Variants in BMPER observed in about 807,000 individuals in gnomAD.
The protein encoded by BMPER is BMP binding endothelial regulator.
Under a neutral mutation model 87.3 loss-of-function variants are expected in BMPER, and 45 were observed. The observed-to-expected ratio is 0.52, with a 90% CI of 0.41 to 0.66. BMPER has a LOEUF of 0.66. Ranked by LOEUF, BMPER falls within the 30% of genes least tolerant of loss-of-function variation. The pLI, the probability that BMPER is intolerant of heterozygous loss-of-function variation, is 0.00. For synonymous variants in BMPER, 326 were observed against 316.2 expected, an observed-to-expected ratio of 1.03 and a Z score of -0.33; for missense variants, 784 against 867.5, an observed-to-expected ratio of 0.90 and a Z score of 1.21.
intron 3 of BMPER, among the ~76,000 whole-genome samples, chr7:33,941,155 A>C (rs1784754137): frequency 7.4e-6 from 1 of 135,224 alleles, no homozygotes; most frequent in South Asian, 2.2e-4. Context: ...ATTACATATA[A>C]TTTATATATT....
chr7:34,144,280 C>T (rs1790959727), intron 14 of BMPER, among the ~76,000 whole-genome samples: 1 of 151,538 alleles, frequency 6.6e-6, no homozygotes, highest in Non-Finnish European at 1.5e-5. Flanking sequence ...CTGAGGTGGG[C>T]TAGGGGAAGA....
intron 13 of BMPER, among the ~76,000 whole-genome samples, chr7:34,112,794 A>C (rs1790014555): frequency 6.6e-6 from 1 of 151,580 alleles, no homozygotes; most frequent in African/African-American, 2.4e-5. Context: ...CTTATTGTGC[A>C]CCGAAGTTTT....
chr7:34,126,359 A>G (rs1007060720), intron 13 of BMPER, among the ~76,000 whole-genome samples: 1 of 152,188 alleles, frequency 6.6e-6, no homozygotes, highest in Admixed American at 6.5e-5. Flanking sequence ...GTGGACCATG[A>G]CTAGGGCTTA....
chr7:34,044,733 G>T (rs115146060), intron 6 of BMPER, among the ~76,000 whole-genome samples: 4 of 152,112 alleles, frequency 2.6e-5, no homozygotes, highest in African/African-American at 9.6e-5. Context: ...TGGTATTTTC[G>T]CATGTTCTCT....
chr7:33,921,875 G>T lies in BMPER; in HGVS notation c.219+14972G>T, dbSNP rs572644735. 401 of 470,338 alleles carry T rather than the reference G, an allele frequency of 8.5e-4. 1 individual carries two copies. Among genetic ancestry groups the T allele is most frequent in the African/African-American group, 5.4e-3 (269 of 50,098 alleles). The allele number at this position is 470,338 out of a possible 1,614,324, so 29.1% of individuals were successfully genotyped here. ...TCTGGAGGAACCAGACGCAAACAAC[G>T]CAGAGTTGAGGGCCAGGTGAAGCGG... On this transcript the variant is annotated intron_variant, in intron 2 of 14. Transcript: ENST00000649409.
intron 6 of BMPER, among the ~76,000 whole-genome samples, chr7:34,039,763 T>C (rs1787786005): frequency 6.6e-6 from 1 of 152,126 alleles, no homozygotes; most frequent in African/African-American, 2.4e-5. Flanking sequence ...TTAATGTTTT[T>C]AAAGTATTAT....
rs1026461215 is a variant in BMPER, at chr7:33,974,886, C to G, written c.576+102C>G. 7.5e-6 allele frequency: 9 copies of G among 1,201,476 alleles called. No homozygotes were observed. In the African/African-American group the frequency reaches 1.2e-4, roughly 16 times the overall value. The allele number at this position is 1,201,476 out of a possible 1,614,324, so 74.4% of individuals were successfully genotyped here. On this transcript the variant is annotated intron_variant, in intron 6 of 14. Coordinates refer to ENST00000649409, the MANE Select transcript of BMPER (RefSeq NM_001365308.1). ...CTCTACAGCCTCTCTCTCGTCTCCT[C>G]TCTGGGTAAAAGTCCGTCCCTCCTG...
At chr7:33,920,743 T>A (rs1444217684) in intron 2 of BMPER, among the ~76,000 whole-genome samples, 1 of 152,144 alleles carries the variant, frequency 6.6e-6, no homozygotes, top group African/African-American at 2.4e-5. Flanking sequence ...CCATTTTTAA[T>A]AAACCCTTCC....
chr7:34,078,802 CTGTGAATCCTTGGCT>C, intron 11 of BMPER, 40 bp from the exon 12 acceptor site: 1 of 1,577,960 alleles, frequency 6.3e-7, no homozygotes, highest in Non-Finnish European at 8.7e-7. Context: ...CCTGATTTCT[CTGTGAATCCTTGGCT>C]TGGTTTGTGA....
At chr7:34,027,853 G>A (rs1393735426) in intron 6 of BMPER, among the ~76,000 whole-genome samples, 1 of 152,016 alleles carries the variant, frequency 6.6e-6, no homozygotes, top group African/African-American at 2.4e-5. Context: ...CTGAAGAGAT[G>A]CTATTAAAAA....
intron 13 of BMPER, among the ~76,000 whole-genome samples, chr7:34,134,078 A>C (rs571579312): frequency 6.6e-6 from 1 of 152,306 alleles, no homozygotes; most frequent in South Asian, 2.1e-4. Context: ...GTGGTGGCCC[A>C]TCTCGCCCTG....
At chr7:34,029,300 C>A (rs575923970) in intron 6 of BMPER, among the ~76,000 whole-genome samples, 1 of 152,050 alleles carries the variant, frequency 6.6e-6, no homozygotes, top group Non-Finnish European at 1.5e-5. Context: ...CATATTTTTT[C>A]AAATTAATGT....
chr7:33,980,714 C>T (rs1259262772), intron 6 of BMPER, among the ~76,000 whole-genome samples: 3 of 152,168 alleles, frequency 2.0e-5, no homozygotes, highest in African/African-American at 4.8e-5. Flanking sequence ...AGTCCTCTGT[C>T]TGTAAAACCA....
chr7:34,100,518 A>G (rs1789653986), intron 13 of BMPER, among the ~76,000 whole-genome samples: 1 of 152,172 alleles, frequency 6.6e-6, no homozygotes, highest in South Asian at 2.1e-4. Context: ...CTGTGCACCC[A>G]TCCCAAAGGC....
intron 13 of BMPER, 67 bp from the exon 14 acceptor site, chr7:34,143,163 A>G (rs1171371673): frequency 6.2e-7 from 1 of 1,603,390 alleles, no homozygotes; most frequent in Non-Finnish European, 8.5e-7. Context: ...CCCTTTCTGA[A>G]GTTATATTTA....
At chr7:34,100,275 G>A (rs1562743455) in intron 13 of BMPER, among the ~76,000 whole-genome samples, 1 of 152,196 alleles carries the variant, frequency 6.6e-6, no homozygotes, top group East Asian at 1.9e-4. Flanking sequence ...ACAATTTGTT[G>A]TGTAAGAAGA....
In BMPER at chr7:33,966,567, G is replaced by A. The variant is rs1335491541; in HGVS notation, c.402+6G>A. 2 of 1,612,076 alleles carry A rather than the reference G, an allele frequency of 1.2e-6. No individual in the cohort carries two copies. The highest frequency in any genetic ancestry group is 4.5e-5 in the East Asian group (2 of 44,826). On this transcript the variant is annotated splice_donor_region_variant and intron_variant, in intron 4 of 14. Transcript: ENST00000649409. ...GTGTTCTACGCCAGTGCCAGGTAAA[G>A]TTCAATTATTTCTCTCTCCAGTAAA...
chr7:34,028,770 C>T (rs1364723187), intron 6 of BMPER, among the ~76,000 whole-genome samples: 1 of 151,696 alleles, frequency 6.6e-6, no homozygotes, highest in Non-Finnish European at 1.5e-5. Flanking sequence ...GTGGGTTCTA[C>T]TCACCTGAAG....
chr7:34,153,228 T>G lies in BMPER; in HGVS notation c.2013T>G (p.Leu671=). 1 of 1,614,080 alleles carries G rather than the reference T, an allele frequency of 6.2e-7. No individual in the cohort carries two copies. Among genetic ancestry groups the G allele is most frequent in the South Asian group, 1.1e-5 (1 of 91,082 alleles). The change falls in exon 15 of 15, where the codon CTT becomes CTG. Residue 671 remains leucine (L), a synonymous_variant. Transcript: ENST00000649409. ...GCCACTGTCCAGCAAACTTGGTCCTTCACAAGGGAAGGTGCATCAAGCCAG... is the reference window on the plus strand; with the variant it reads ...GCCACTGTCCAGCAAACTTGGTCCTGCACAAGGGAAGGTGCATCAAGCCAG... The part of the protein sequence containing the change: ...AGCHCPANLV[L]HKGRCIKPVL...
Sources: allele counts gnomAD v4.1 joint callset (sites outside exome capture counted in the v4.1 genomes callset), GRCh38; gene constraint gnomAD v4.1.1; transcripts MANE v1.5; gene names NCBI Gene and HGNC (gene_info 2026-07-23, HGNC 2026-07-21).